The following CLOCK variants were observed in gnomAD, a reference collection of about 807,000 sequenced individuals.
CLOCK encodes the protein clock circadian regulator.
A neutral mutation model predicts 118.4 loss-of-function variants in CLOCK; 43 were observed. That is an observed-to-expected ratio of 0.36 (90% confidence interval 0.28 to 0.47). The LOEUF is 0.47. Among genes scored for constraint, CLOCK ranks in the 20% least tolerant of loss-of-function variants. The pLI is 1.00. For synonymous variants in CLOCK, 326 were observed against 339.2 expected (o/e 0.96, Z 0.43); for missense variants, 846 against 999.9 (o/e 0.85, Z 2.08).
At chr4:55,466,957 G>A (rs532167814) in intron 8 of CLOCK, among the ~76,000 whole-genome samples, 211 of 152,208 alleles carry the variant, frequency 1.4e-3, no homozygotes, top group African/African-American at 4.8e-3. Flanking sequence ...TTAGGTCAAC[G>A]TTACCATTTA....
chr4:55,442,782 G>C (rs1723480453), intron 20 of CLOCK, 148 bp from the exon 21 acceptor site: 1 of 744,140 alleles, frequency 1.3e-6, no homozygotes, highest in Admixed American at 2.1e-5. Context: ...TAACCACAAA[G>C]GAATGACTCG....
chr4:55,517,239 G>A (rs143505599), intron 1 of CLOCK, among the ~76,000 whole-genome samples: 5,129 of 152,210 alleles, frequency 0.034, 104 homozygotes, highest in Non-Finnish European at 0.054. Flanking sequence ...GGCCGGGCAC[G>A]GTGGCTCACA....
intron 11 of CLOCK, among the ~76,000 whole-genome samples, chr4:55,457,323 C>T (rs1724990599): frequency 6.6e-6 from 1 of 151,990 alleles, no homozygotes; most frequent in Non-Finnish European, 1.5e-5. Context: ...TCATTTTTAC[C>T]TTTCATCATC....
intron 1 of CLOCK, among the ~76,000 whole-genome samples, chr4:55,512,089 G>C (rs1729187130): frequency 6.6e-6 from 1 of 151,762 alleles, no homozygotes; most frequent in Non-Finnish European, 1.5e-5. Flanking sequence ...TTTTTGTATG[G>C]ATAGAAACTG....
At chr4:55,497,620 A>G (rs1329335204) in intron 2 of CLOCK, among the ~76,000 whole-genome samples, 1 of 152,212 alleles carries the variant, frequency 6.6e-6, no homozygotes, top group Non-Finnish European at 1.5e-5. Context: ...TAACTTCTGA[A>G]CTATCTTAAC....
chr4:55,494,269 G>C (rs1226591453), intron 2 of CLOCK, among the ~76,000 whole-genome samples: 3 of 152,102 alleles, frequency 2.0e-5, no homozygotes, highest in Admixed American at 1.3e-4. Flanking sequence ...GGAAGAAAGA[G>C]GGAGCCCTGT....
chr4:55,543,589 A>G (rs959840549), intron 1 of CLOCK, among the ~76,000 whole-genome samples: 1 of 152,136 alleles, frequency 6.6e-6, no homozygotes, highest in African/African-American at 2.4e-5. Flanking sequence ...AGGGGTTGTC[A>G]CTTATTATAT....
intron 2 of CLOCK, among the ~76,000 whole-genome samples, chr4:55,495,628 C>T (rs925033161): frequency 2.0e-5 from 3 of 151,988 alleles, no homozygotes; most frequent in African/African-American, 7.2e-5. Context: ...AGGGTGTGAC[C>T]CTCTCCAATA....
At chr4:55,475,923 T>G in intron 7 of CLOCK, 40 bp downstream of exon 7, 1 of 1,429,456 alleles carries the variant, frequency 7.0e-7, no homozygotes, top group Non-Finnish European at 9.8e-7. Flanking sequence ...ATTTCTTTTT[T>G]GAGGAAAATA....
rs192499858 is a variant in CLOCK at position 55,500,469 on chromosome 4, A to G, written c.-136+9443T>C. 6.3e-4 allele frequency among the ~76,000 whole-genome samples: 95 copies of G among 151,808 alleles called. 1 individual carries two copies. The highest frequency in any genetic ancestry group is 2.1e-3 in the Admixed American group (32 of 15,258). ...AGCAATTCCCTGCCTCAGCCTCCCA[A>G]TGTAGCTGGGATTACAGGTACACAC... On this transcript the variant is annotated intron_variant, in intron 2 of 22. Transcript: ENST00000513440.
At chr4:55,462,851 A>ATGTGT (rs1725448361) in intron 9 of CLOCK, among the ~76,000 whole-genome samples, 1 of 151,308 alleles carries the variant, frequency 6.6e-6, no homozygotes, top group Admixed American at 6.6e-5. Flanking sequence ...GATTTGTGTG[A>ATGTGT]GTGTGTGTGT....
intron 22 of CLOCK, among the ~76,000 whole-genome samples, chr4:55,436,885 G>C (rs1425472711): frequency 7.2e-6 from 1 of 139,338 alleles, no homozygotes; most frequent in Admixed American, 7.5e-5. Flanking sequence ...CTATGTCTTT[G>C]GGATGCCTTT....
intron 1 of CLOCK, among the ~76,000 whole-genome samples, chr4:55,527,390 T>C (rs1251346752): frequency 2.6e-5 from 4 of 152,102 alleles, no homozygotes; most frequent in Non-Finnish European, 5.9e-5. Context: ...CAAAAGCATG[T>C]TTGGGGCACA....
intron 3 of CLOCK, among the ~76,000 whole-genome samples, chr4:55,488,796 C>A (rs1019486751): frequency 1.3e-5 from 2 of 152,170 alleles, no homozygotes; most frequent in African/African-American, 4.8e-5. Flanking sequence ...AATGCAGTGA[C>A]ACAATCACAG....
intron 17 of CLOCK, 66 bp downstream of exon 17, chr4:55,449,330 A>G: frequency 7.2e-7 from 1 of 1,388,986 alleles, no homozygotes; most frequent in South Asian, 1.2e-5. Context: ...GAATTTCTGA[A>G]GATTTAGATC....
At chr4:55,459,084 T>C (rs1247790950) in intron 10 of CLOCK, 64 bp downstream of exon 10, 4 of 1,465,440 alleles carry the variant, frequency 2.7e-6, no homozygotes, top group Non-Finnish European at 3.8e-6. Flanking sequence ...CAAACATCTA[T>C]GTCTTTAAGA....
intron 14 of CLOCK, chr4:55,453,454 C>A: frequency 2.0e-6 from 1 of 491,224 alleles, no homozygotes; most frequent in Non-Finnish European, 3.5e-6. Flanking sequence ...GTAACAACTT[C>A]TGCTGTAAAG....
intron 11 of CLOCK, among the ~76,000 whole-genome samples, chr4:55,457,205 AAACT>A (rs141953678): frequency 0.027 from 4,085 of 152,260 alleles, 188 homozygotes; most frequent in African/African-American, 0.093. Context: ...GTCCTAAAAT[AAACT>A]AACTGCTTTA....
In CLOCK at chr4:55,435,063, C is replaced by T. The variant is rs1722774279; in HGVS notation, c.*352G>A. ...GTAACACTTGATAAGAGGCACAGAA[C>T]CACTAAAAGTTACTAACATCATTAG... On this transcript the variant is annotated 3_prime_UTR_variant, in exon 23 of 23. Transcript: ENST00000513440. 2 of 335,476 alleles carry T rather than the reference C, an allele frequency of 6.0e-6. No individual in the cohort carries two copies. Among genetic ancestry groups the T allele is most frequent in the Non-Finnish European group, 1.2e-5 (2 of 171,062 alleles). The allele number at this position is 335,476 out of a possible 1,614,324, so 20.8% of individuals were successfully genotyped here. A position where few individuals can be genotyped will look rare whatever the true frequency, so the allele number is the denominator to read the frequency against.
Sources: gnomAD v4.1 joint callset for allele counts (sites outside exome capture counted in the v4.1 genomes callset) on GRCh38, gnomAD v4.1.1 for gene constraint, MANE v1.5 for transcripts, NCBI Gene and HGNC (gene_info 2026-07-23, HGNC 2026-07-21) for gene names.